Variants in SYNJ2 observed in about 807,000 individuals in gnomAD.
The protein encoded by SYNJ2 is polyphosphatidylinositol phosphatase SYNJ2.
In SYNJ2, 116 loss-of-function variants were observed where a neutral mutation model predicts 141.3. The ratio of observed to expected loss-of-function variants is 0.82; its 90% CI spans 0.71 to 0.96. SYNJ2 has a LOEUF of 0.96. SYNJ2 is among the 40% of genes least tolerant of loss of function. The pLI, the probability that SYNJ2 is intolerant of heterozygous loss-of-function variation, is 0.00. For missense variants in SYNJ2, 1,873 were observed against 1,934.8 expected, an observed-to-expected ratio of 0.97 and a Z score of 0.60; for synonymous variants, 745 against 777.7, an observed-to-expected ratio of 0.96 and a Z score of 0.70.
rs1369076213 is a variant in SYNJ2, at chr6:158,084,046, A to G, written c.3080A>G (p.Asn1027Ser). The change falls in exon 22 of 27, where the codon AAT (asparagine) becomes AGT (serine). Residue 1027 changes from asparagine (N) to serine (S), a missense_variant. Coordinates refer to ENST00000355585, the MANE Select transcript of SYNJ2 (RefSeq NM_003898.4). This position sits in a 1 kb window ranked among gnomAD's most constrained non-coding sequence, Gnocchi z 5.0. Reference protein sequence around the residue: ...DDEDYLVDEFNQPGVSDSELG... With the variant: ...DDEDYLVDEFSQPGVSDSELG... ...GAAGACTACTTGGTGGATGAATTCA[A>G]TCAGCCTGGAGTCTCGGACAGTGAA... 9 of 1,613,978 alleles carry G rather than the reference A, an allele frequency of 5.6e-6. No homozygotes were observed. Among genetic ancestry groups the G allele is most frequent in the South Asian group, 1.1e-5 (1 of 91,070 alleles).
At chr6:158,066,127 G>T (rs1302841996) in intron 11 of SYNJ2, among the ~76,000 whole-genome samples, 1 of 152,168 alleles carries the variant, frequency 6.6e-6, no homozygotes, top group East Asian at 1.9e-4. Flanking sequence ...GGACAGTGAG[G>T]ACACGGCTTT....
intron 24 of SYNJ2, 102 bp from the exon 25 acceptor site, chr6:158,089,737 G>A (rs796105688): frequency 8.5e-5 from 62 of 728,492 alleles, no homozygotes; most frequent in Non-Finnish European, 1.1e-4. Flanking sequence ...GGTCAGCATC[G>A]TCTGGTGGAG....
chr6:158,041,940 T>G (rs1198107396), intron 4 of SYNJ2, among the ~76,000 whole-genome samples: 1 of 152,210 alleles, frequency 6.6e-6, no homozygotes, highest in Non-Finnish European at 1.5e-5. Flanking sequence ...GTCTCGAACT[T>G]TTGGGCTCAA....
intron 1 of SYNJ2, among the ~76,000 whole-genome samples, chr6:157,998,620 AG>A (rs1777721719): frequency 6.6e-6 from 1 of 152,234 alleles, no homozygotes; most frequent in South Asian, 2.1e-4. Context: ...ATAAATGCAG[AG>A]GTATTTAAGT....
rs1047099653 is a variant in SYNJ2 at position 157,982,296 on chromosome 6, A to AGGCC, written c.127+214_127+217dup. Among the ~76,000 whole-genome samples the AGGCC allele has an allele frequency of 5.9e-5, 9 of 152,146 alleles. No homozygotes were observed. Among genetic ancestry groups the AGGCC allele is most frequent in the African/African-American group, 2.2e-4 (9 of 41,446 alleles). On this transcript the variant is annotated intron_variant, in intron 1 of 26. Transcript: ENST00000355585. This position sits in a 1 kb window ranked among gnomAD's most constrained non-coding sequence, Gnocchi z 4.0. Reference sequence around the variant, plus strand: ...CTCTGGCTGGGCCGGTGGCGCACGGAGGCCGGCCGCCCCTCCACGGGGATC... The same window carrying AGGCC: ...CTCTGGCTGGGCCGGTGGCGCACGGAGGCCGGCCGGCCGCCCCTCCACGGGGATC...
chr6:157,993,797 GTTTTTTTTTTTTTTTTTTTTTT>G (rs61529071), intron 1 of SYNJ2, among the ~76,000 whole-genome samples: 5 of 47,944 alleles, frequency 1.0e-4, no homozygotes, highest in Non-Finnish European at 1.5e-4. Context: ...AAATGTGTGG[GTTTTTTTTTTTTTTTTTTTTTT>G]TTTTTTTTTT....
rs7744445 is a variant in SYNJ2 at position 158,046,148 on chromosome 6, G to A, written c.795+2749G>A. Among the ~76,000 whole-genome samples, 515 of 152,146 alleles carry A rather than the reference G, an allele frequency of 3.4e-3. 5 individuals are homozygous for A. The highest frequency in any genetic ancestry group is 0.012 in the African/African-American group (486 of 41,508). Reference sequence around the variant, plus strand: ...TTTAGTAGAGACAGGGTTTCATCACGTTGACCAGGCTGGTTTTGAACTTCT... The same window carrying A: ...TTTAGTAGAGACAGGGTTTCATCACATTGACCAGGCTGGTTTTGAACTTCT... On this transcript the variant is annotated intron_variant, in intron 5 of 26. Transcript: ENST00000355585.
chr6:158,019,509 G>T (rs972772533), intron 2 of SYNJ2, among the ~76,000 whole-genome samples: 34 of 152,208 alleles, frequency 2.2e-4, no homozygotes, highest in Middle Eastern at 3.2e-3. Context: ...GCGAGCCAGG[G>T]TGTCTGCGGG....
At chr6:158,061,933 T>C in intron 7 of SYNJ2, 59 bp from the exon 8 acceptor site, 1 of 1,550,300 alleles carries the variant, frequency 6.5e-7, no homozygotes, top group East Asian at 2.2e-5. Flanking sequence ...GCAAGGAGCT[T>C]GCCCTCCTCG....
chr6:158,008,775 C>T (rs572002081), intron 1 of SYNJ2, among the ~76,000 whole-genome samples: 1 of 152,340 alleles, frequency 6.6e-6, no homozygotes, highest in East Asian at 1.9e-4. Context: ...TCCTCTCTTG[C>T]CCAGGTGGCG....
rs1406828275 is a variant in SYNJ2 at position 158,017,336 on chromosome 6, G to GTGAGTAGCCGCTC, written c.214+46_214+47insTGAGTAGCCGCTC. 3.8e-6 allele frequency: 6 copies of GTGAGTAGCCGCTC among 1,578,176 alleles called. No homozygotes were observed. In the South Asian group the frequency reaches 6.9e-5, roughly 18 times the overall value. On this transcript the variant is annotated intron_variant, in intron 2 of 26. Transcript: ENST00000355585. ...GGAGCAGGCGCCAGGCTCCCCGGTG[G>GTGAGTAGCCGCTC]GCAGGAGCCTCTGTGTCGGAAGGGG...
chr6:158,036,840 G>A (rs1352857542), intron 4 of SYNJ2, among the ~76,000 whole-genome samples: 1 of 152,186 alleles, frequency 6.6e-6, no homozygotes, highest in East Asian at 1.9e-4. Context: ...CCCCAGCTGG[G>A]TGGTTTTCTC....
At chr6:158,009,434 T>C (rs1778185216) in intron 1 of SYNJ2, among the ~76,000 whole-genome samples, 1 of 152,114 alleles carries the variant, frequency 6.6e-6, no homozygotes, top group South Asian at 2.1e-4. Flanking sequence ...TTCACTGCAG[T>C]GTCTCTGTCC....
At chr6:158,063,742 G>A in intron 8 of SYNJ2, 49 bp from the exon 9 acceptor site, 3 of 1,521,986 alleles carry the variant, frequency 2.0e-6, no homozygotes, top group East Asian at 4.9e-5. Flanking sequence ...TATGGCCACT[G>A]CTTCTTTGAA....
rs916866546 is a variant in SYNJ2, at chr6:158,043,189, C to T, written c.712-127C>T. The T allele has an allele frequency of 1.3e-5, 10 of 742,174 alleles. No individual in the cohort carries two copies. The highest frequency in any genetic ancestry group is 1.0e-4 in the African/African-American group (6 of 57,684). 46.0% of individuals were successfully genotyped at this position (742,174 alleles called of 1,614,324 possible). On this transcript the variant is annotated intron_variant, in intron 4 of 26. Coordinates refer to ENST00000355585, the MANE Select transcript of SYNJ2 (RefSeq NM_003898.4). This position sits in a 1 kb window ranked among gnomAD's most constrained non-coding sequence, Gnocchi z 4.0. ...TGCCGGATGGGGGAGCAGAGGACGC[C>T]GGAGTCCACCGTCCGCCCTTCATTC... is the stretch of plus-strand genomic sequence containing the variant.
intron 1 of SYNJ2, among the ~76,000 whole-genome samples, chr6:157,986,138 T>C (rs1777193134): frequency 6.6e-6 from 1 of 152,184 alleles, no homozygotes; most frequent in Non-Finnish European, 1.5e-5. Context: ...CACCATTTTA[T>C]AAATGCTCCT....
intron 18 of SYNJ2, 134 bp from the exon 19 acceptor site, chr6:158,080,965 TTTACAAAGAG>T: frequency 1.3e-6 from 1 of 752,558 alleles, no homozygotes; most frequent in Non-Finnish European, 2.3e-6. Flanking sequence ...GTGTTGACTG[TTTACAAAGAG>T]CCCTGGGGGA....
At chr6:158,059,562 TTTTTTTTTTAA>T (rs1781084357) in intron 7 of SYNJ2, 1 of 819,488 alleles carries the variant, frequency 1.2e-6, no homozygotes, top group Admixed American at 8.6e-5. Context: ...TTTTCTTTTT[TTTTTTTTTTAA>T]GACAGAGTTT....
intron 24 of SYNJ2, 55 bp from the exon 25 acceptor site, chr6:158,089,784 G>C: frequency 1.4e-6 from 2 of 1,391,196 alleles, no homozygotes; most frequent in Non-Finnish European, 2.0e-6. Context: ...TACGTCCCAC[G>C]AGGCTGTCCT....
Sources: gnomAD v4.1 joint callset for allele counts (sites outside exome capture counted in the v4.1 genomes callset) on GRCh38, gnomAD v4.1.1 for gene constraint, Gnocchi (gnomAD v3.1) non-coding constraint, MANE v1.5 for transcripts, NCBI Gene and HGNC (gene_info 2026-07-23, HGNC 2026-07-21) for gene names.